The following STAU2 variants were observed in gnomAD, a reference collection of about 807,000 sequenced individuals.
The protein encoded by STAU2 is staufen double-stranded RNA binding protein 2.
A neutral mutation model predicts 65.9 loss-of-function variants in STAU2; 20 were observed. The ratio of observed to expected loss-of-function variants is 0.30; its 90% CI spans 0.21 to 0.44. The LOEUF (loss-of-function observed/expected upper bound fraction) is 0.44, where lower values mean the gene tolerates loss of function less well. Among genes scored for constraint, STAU2 ranks in the 20% least tolerant of loss-of-function variants. The pLI, the probability that STAU2 is intolerant of heterozygous loss-of-function variation, is 1.00. For missense variants in STAU2, 558 were observed against 683.9 expected (o/e 0.82, Z 2.05); for synonymous variants, 232 against 233.9 (o/e 0.99, Z 0.07).
In STAU2 at chr8:73,649,869, T is replaced by TTATTTATATATATATA. The variant is rs71269927; in HGVS notation, c.410+23237_410+23238insTATATATATATAAATA. On this transcript the variant is annotated intron_variant, in intron 6 of 14. Coordinates refer to ENST00000524300, the MANE Select transcript of STAU2 (RefSeq NM_001164380.2). ...TAGTATATATGTCTTCTATATAATT[T>TTATTTATATATATATA]TATATATATATATATATATATATAT... Among the ~76,000 whole-genome samples the TTATTTATATATATATA allele has an allele frequency of 2.5e-4, 18 of 71,628 alleles. 3 individuals carry two copies. The highest frequency in any genetic ancestry group is 6.0e-4 in the African/African-American group (11 of 18,294). The allele number at this position is 71,628 out of a possible 152,430, so 47.0% of individuals were successfully genotyped here. A position where few individuals can be genotyped will look rare whatever the true frequency, so the allele number is the denominator to read the frequency against.
Position 73,585,739 on chromosome 8 carries a change from G to A in STAU2, c.1162-2909C>T, listed in dbSNP as rs534953799. ...TCTACTGTACCCCTCAGACACAAAC[G>A]AGAAATATAAAAGGAGATGATATGG... On this transcript the variant is annotated intron_variant, in intron 11 of 14. Transcript: ENST00000524300. Among the ~76,000 whole-genome samples, 6 of 152,210 alleles carry A rather than the reference G, an allele frequency of 3.9e-5. No homozygotes were observed. In the East Asian group the frequency reaches 1.2e-3, roughly 29 times the overall value.
intron 4 of STAU2, among the ~76,000 whole-genome samples, chr8:73,691,374 C>A (rs1029096449): frequency 1.3e-5 from 2 of 152,122 alleles, no homozygotes; most frequent in Admixed American, 1.3e-4. Context: ...TATATTGTCA[C>A]CTCCTTGGTC....
At chr8:73,668,884 G>A (rs1202867683) in intron 6 of STAU2, 3 of 568,172 alleles carry the variant, frequency 5.3e-6, no homozygotes, top group Non-Finnish European at 9.4e-6. Context: ...ATCATCAGTA[G>A]AGGGTGGTAA....
chr8:73,726,193 G>A (rs146448115), intron 3 of STAU2, among the ~76,000 whole-genome samples: 16 of 152,184 alleles, frequency 1.1e-4, no homozygotes, highest in South Asian at 6.2e-4. Context: ...AAAACCAAAC[G>A]TCATATATTC....
chr8:73,528,691 T>C (rs1051586582), intron 13 of STAU2, among the ~76,000 whole-genome samples: 82 of 152,312 alleles, frequency 5.4e-4, no homozygotes, highest in African/African-American at 1.8e-3. Flanking sequence ...ATTTGTTAAA[T>C]GTGTATAGAT....
At chr8:73,635,515 G>C (rs1299505809) in intron 6 of STAU2, among the ~76,000 whole-genome samples, 1 of 152,128 alleles carries the variant, frequency 6.6e-6, no homozygotes, top group Non-Finnish European at 1.5e-5. Flanking sequence ...CTGGAATATG[G>C]AGGAGGAAAT....
chr8:73,687,316 TATTTATATTTATAAATATA>T (rs1208098422), intron 5 of STAU2, among the ~76,000 whole-genome samples: 1,387 of 118,712 alleles, frequency 0.012, 46 homozygotes, highest in South Asian at 0.055. Context: ...ATATAATTTA[TATTTATATTTATAAATATA>T]ATTTATATTT....
At chr8:73,436,641 C>T (rs895111058) in intron 13 of STAU2, among the ~76,000 whole-genome samples, 4 of 151,530 alleles carry the variant, frequency 2.6e-5, no homozygotes, top group Non-Finnish European at 5.9e-5. Context: ...GGCTGGAGTG[C>T]AGTGGCGCGA....
chr8:73,626,244 A>G (rs1475088568), intron 6 of STAU2, among the ~76,000 whole-genome samples: 1 of 152,258 alleles, frequency 6.6e-6, no homozygotes, highest in Non-Finnish European at 1.5e-5. Flanking sequence ...TGGAAATGCC[A>G]GAAAGAAAAA....
intron 6 of STAU2, among the ~76,000 whole-genome samples, chr8:73,650,505 AAATGTT>A (rs1815779745): frequency 6.6e-6 from 1 of 152,128 alleles, no homozygotes; most frequent in South Asian, 2.1e-4. Context: ...TCAGAGTCAA[AAATGTT>A]TTAAAAGTCA....
intron 6 of STAU2, among the ~76,000 whole-genome samples, chr8:73,660,443 G>C (rs963729195): frequency 3.9e-5 from 6 of 152,160 alleles, no homozygotes; most frequent in African/African-American, 1.4e-4. Context: ...CCAAGATTAA[G>C]TGGTGATCCC....
chr8:73,494,963 A>G (rs1226715414), intron 13 of STAU2, among the ~76,000 whole-genome samples: 1 of 151,610 alleles, frequency 6.6e-6, no homozygotes, highest in Non-Finnish European at 1.5e-5. Context: ...AAGATACTGC[A>G]AAGCCCAGAA....
chr8:73,585,411 C>T lies in STAU2; in HGVS notation c.1162-2581G>A, dbSNP rs535410950. Among the ~76,000 whole-genome samples, 30 of 152,304 alleles carry T rather than the reference C, an allele frequency of 2.0e-4. No individual in the cohort carries two copies. The South Asian group carries it at 3.3e-3, about 17-fold the overall frequency. Reference sequence around the variant, plus strand: ...AGGAGAATCGCTTGAACCCGGGAGGCGGAGGTTGCAGTGAGCTGAGATCGT... The same window carrying T: ...AGGAGAATCGCTTGAACCCGGGAGGTGGAGGTTGCAGTGAGCTGAGATCGT... On this transcript the variant is annotated intron_variant, in intron 11 of 14. Transcript: ENST00000524300.
upstream of STAU2, chr8:73,746,919 G>C (rs1309259507): frequency 8.1e-4 from 742 of 920,524 alleles, no homozygotes; most frequent in Non-Finnish European, 9.1e-4. Flanking sequence ...CCGCCTCCCC[G>C]GCGCTCCCGC....
In STAU2 at chr8:73,714,131, G is replaced by A. The variant is rs1436482661; in HGVS notation, c.-17-4969C>T. Among the ~76,000 whole-genome samples, 4 of 151,990 alleles carry A rather than the reference G, an allele frequency of 2.6e-5. No homozygotes were observed. In the East Asian group the frequency reaches 5.8e-4, roughly 22 times the overall value. ...TTGGTCACGCTGGTCTCGAACTCCC[G>A]ACCTCAGGTGATCCGCCCACCTCAG... On this transcript the variant is annotated intron_variant, in intron 3 of 14. Transcript: ENST00000524300.
At chr8:73,449,498 G>T (rs1818679391) in intron 13 of STAU2, among the ~76,000 whole-genome samples, 1 of 152,184 alleles carries the variant, frequency 6.6e-6, no homozygotes, top group Admixed American at 6.5e-5. Context: ...AGGTACTGGG[G>T]GTTAGGGCTT....
chr8:73,536,010 C>G (rs1414471000), intron 13 of STAU2, among the ~76,000 whole-genome samples: 1 of 152,036 alleles, frequency 6.6e-6, no homozygotes, highest in Non-Finnish European at 1.5e-5. Context: ...GCTTTCTACT[C>G]AGGAATTACA....
chr8:73,746,723 C>T (rs1278599746), intron 1 of STAU2, 60 bp downstream of exon 1: 1 of 1,096,658 alleles, frequency 9.1e-7, no homozygotes, highest in Non-Finnish European at 1.2e-6. Flanking sequence ...CGCCCTCTGC[C>T]TTCTTCGCCG....
chr8:73,588,353 G>A (rs1047787467), intron 11 of STAU2, among the ~76,000 whole-genome samples: 2 of 152,218 alleles, frequency 1.3e-5, no homozygotes, highest in Non-Finnish European at 2.9e-5. Context: ...CTTAAAGCCT[G>A]AGTATGAGCT....
Sources: allele counts gnomAD v4.1 joint callset (sites outside exome capture counted in the v4.1 genomes callset), GRCh38; gene constraint gnomAD v4.1.1; transcripts MANE v1.5; gene names NCBI Gene and HGNC (gene_info 2026-07-23, HGNC 2026-07-21).